CCDC63: variants seen among roughly 807,000 people sequenced by gnomAD.
CCDC63 encodes coiled-coil domain-containing protein 63.
Under a neutral mutation model 63.6 loss-of-function variants are expected in CCDC63, and 54 were observed. The ratio of observed to expected loss-of-function variants is 0.85; its 90% CI spans 0.68 to 1.07. The LOEUF is 1.07. Among genes scored for constraint, CCDC63 ranks in the 50% least tolerant of loss-of-function variants. CCDC63 has a pLI of 0.00. For missense variants in CCDC63, 637 were observed against 689.6 expected (o/e 0.92, Z 0.86); for synonymous variants, 253 against 266.1 (o/e 0.95, Z 0.48).
chr12:110,876,659 A>AT (rs1344538958), intron 5 of CCDC63, among the ~76,000 whole-genome samples: 1 of 151,972 alleles, frequency 6.6e-6, no homozygotes, highest in African/African-American at 2.4e-5. Context: ...TGTTAGGAAT[A>AT]TTTTTTTGTA....
intron 5 of CCDC63, 99 bp downstream of exon 5, chr12:110,874,060 T>A: frequency 6.9e-7 from 1 of 1,447,220 alleles, no homozygotes; most frequent in Non-Finnish European, 9.3e-7. Context: ...CATACCCATT[T>A]CCCTGGTTGA....
chr12:110,888,893 G>T (rs73421361), intron 8 of CCDC63, among the ~76,000 whole-genome samples: 4 of 128,098 alleles, frequency 3.1e-5, no homozygotes, highest in African/African-American at 1.2e-4. Flanking sequence ...TTCTTTTTTT[G>T]CAGGATCTCA....
At chr12:110,892,831 TAAAG>T (rs1294979326) in intron 8 of CCDC63, among the ~76,000 whole-genome samples, 1 of 148,672 alleles carries the variant, frequency 6.7e-6, no homozygotes, top group Non-Finnish European at 1.5e-5. Flanking sequence ...AAAAAAAAGA[TAAAG>T]AAAGAAAGGA....
At chr12:110,875,258 A>G (rs2136686676) in intron 5 of CCDC63, among the ~76,000 whole-genome samples, 1 of 152,354 alleles carries the variant, frequency 6.6e-6, no homozygotes, top group East Asian at 1.9e-4. Flanking sequence ...TCACCAAATC[A>G]GAACCTCCAG....
At chr12:110,849,748 C>G (rs2070683091) in intron 1 of CCDC63, among the ~76,000 whole-genome samples, 2 of 152,172 alleles carry the variant, frequency 1.3e-5, no homozygotes, top group South Asian at 4.1e-4. Flanking sequence ...ATCTGCCTGC[C>G]TTGGCCTCTC....
At position 110,884,231 on chromosome 12, in the gene CCDC63, A is replaced by G; in HGVS notation, c.1055A>G (p.Lys352Arg). The change falls in exon 8 of 12, where the codon AAG (lysine) becomes AGG (arginine). Residue 352 changes from lysine (K) to arginine (R), a missense_variant. Transcript: ENST00000308208. The part of the protein sequence containing the change: ...ELNNDMEMMH[K>R]RTQRIQDEII... Reference sequence around the variant, plus strand: ...AACAACGACATGGAGATGATGCACAAGAGGACCCAACGAATCCAGGTCAGG... The same window carrying G: ...AACAACGACATGGAGATGATGCACAGGAGGACCCAACGAATCCAGGTCAGG... 1 of 1,614,130 alleles carries G rather than the reference A, an allele frequency of 6.2e-7. No homozygotes were observed. Among genetic ancestry groups the G allele is most frequent in the African/African-American group, 1.3e-5 (1 of 75,040 alleles).
chr12:110,861,142 C>G (rs1033649799), intron 4 of CCDC63, among the ~76,000 whole-genome samples: 2 of 152,016 alleles, frequency 1.3e-5, no homozygotes, highest in Non-Finnish European at 2.9e-5. Context: ...GGGGATGGTG[C>G]CAAACCATTC....
intron 9 of CCDC63, among the ~76,000 whole-genome samples, chr12:110,896,676 A>G (rs1437632329): frequency 6.6e-6 from 1 of 152,184 alleles, no homozygotes; most frequent in Non-Finnish European, 1.5e-5. Context: ...TGCACGTCAC[A>G]ATCACCTGGG....
chr12:110,868,409 G>A (rs1232861476), intron 4 of CCDC63, among the ~76,000 whole-genome samples: 3 of 150,272 alleles, frequency 2.0e-5, no homozygotes, highest in Non-Finnish European at 3.0e-5. Context: ...GTAGCGAGCC[G>A]AGATCACGCC....
intron 5 of CCDC63, among the ~76,000 whole-genome samples, chr12:110,876,241 C>G (rs555822769): frequency 7.1e-6 from 1 of 140,080 alleles, no homozygotes; most frequent in Non-Finnish European, 1.5e-5. Flanking sequence ...GTCTTTCCCC[C>G]CCACAATCAG....
chr12:110,892,025 G>C (rs898732459), intron 8 of CCDC63, among the ~76,000 whole-genome samples: 8 of 152,294 alleles, frequency 5.3e-5, no homozygotes, highest in Middle Eastern at 3.4e-3. Context: ...AGCAGTGGCA[G>C]CATCACCTGG....
chr12:110,902,719 T>C (rs2071503926), intron 10 of CCDC63, among the ~76,000 whole-genome samples: 2 of 152,136 alleles, frequency 1.3e-5, no homozygotes. Context: ...ATATTATTTA[T>C]TTATTTATTA....
chr12:110,867,179 C>T (rs1286158282), intron 4 of CCDC63, among the ~76,000 whole-genome samples: 5 of 133,390 alleles, frequency 3.7e-5, no homozygotes, highest in African/African-American at 1.4e-4. Flanking sequence ...GGGGGGCTGA[C>T]ACCCCCACCT....
At chr12:110,883,788 T>C (rs2071240145) in intron 7 of CCDC63, among the ~76,000 whole-genome samples, 1 of 152,072 alleles carries the variant, frequency 6.6e-6, no homozygotes. Context: ...TGCAGGCATG[T>C]GCCACCACAC....
intron 4 of CCDC63, among the ~76,000 whole-genome samples, chr12:110,863,577 G>A (rs2070893497): frequency 6.9e-6 from 1 of 145,892 alleles, no homozygotes; most frequent in Non-Finnish European, 1.5e-5. Context: ...ATCTTGCTCC[G>A]TTGCCCAGGC....
At chr12:110,850,384 A>T (rs1311984654) in intron 1 of CCDC63, among the ~76,000 whole-genome samples, 2 of 152,178 alleles carry the variant, frequency 1.3e-5, no homozygotes, top group African/African-American at 4.8e-5. Context: ...ACATGGAGGG[A>T]AGCGACTGTT....
intron 4 of CCDC63, among the ~76,000 whole-genome samples, chr12:110,868,927 A>C (rs1171183335): frequency 6.6e-6 from 1 of 152,144 alleles, no homozygotes; most frequent in Non-Finnish European, 1.5e-5. Flanking sequence ...CCATCCTGTC[A>C]TGTCTATTTG....
chr12:110,889,233 C>T lies in CCDC63; in HGVS notation c.1075-3843C>T, dbSNP rs2136715887. Among the ~76,000 whole-genome samples the T allele has an allele frequency of 6.6e-6, 1 of 152,254 alleles. No homozygotes were observed. The highest frequency in any genetic ancestry group is 6.5e-5 in the Admixed American group (1 of 15,282). ...TGCGTTCCAGACACTGCTCTAGACCCTGATAATGTGGCAGTGAACAGGATG... is the reference window on the plus strand; with the variant it reads ...TGCGTTCCAGACACTGCTCTAGACCTTGATAATGTGGCAGTGAACAGGATG... On this transcript the variant is annotated intron_variant, in intron 8 of 11. Transcript: ENST00000308208. This position sits in a 1 kb window ranked among gnomAD's most constrained non-coding sequence, Gnocchi z 4.1.
chr12:110,868,109 G>A (rs1383860599), intron 4 of CCDC63, among the ~76,000 whole-genome samples: 1 of 150,294 alleles, frequency 6.7e-6, no homozygotes, highest in Non-Finnish European at 1.5e-5. Context: ...GCGGGGCAGA[G>A]GCGCTCCCCA....
Sources: allele counts gnomAD v4.1 joint callset (sites outside exome capture counted in the v4.1 genomes callset), GRCh38; gene constraint gnomAD v4.1.1; non-coding constraint Gnocchi (gnomAD v3.1); transcripts MANE v1.5; gene names NCBI Gene and HGNC (gene_info 2026-07-23, HGNC 2026-07-21).